SPATS2L: variants seen among roughly 807,000 people sequenced by gnomAD.
SPATS2L encodes the protein SPATS2-like protein.
In SPATS2L, 30 loss-of-function variants were observed where a neutral mutation model predicts 59.6. The observed-to-expected ratio is 0.50, with a 90% CI of 0.38 to 0.68. SPATS2L has a LOEUF of 0.68. Ranked by LOEUF, SPATS2L falls within the 30% of genes least tolerant of loss-of-function variation. The pLI is 0.00. For missense variants in SPATS2L, 615 were observed against 700.0 expected (o/e 0.88, Z 1.37); for synonymous variants, 252 against 263.5 (o/e 0.96, Z 0.42).
chr2:200,389,154 G>T, intron 2 of SPATS2L, 69 bp from the exon 3 acceptor site: 1 of 958,254 alleles, frequency 1.0e-6, no homozygotes, highest in South Asian at 1.5e-5. Context: ...TACTGTGTTG[G>T]AAGAGAGTGT....
chr2:200,401,065 C>T (rs533941337), intron 3 of SPATS2L, among the ~76,000 whole-genome samples: 1 of 152,338 alleles, frequency 6.6e-6, no homozygotes, highest in Non-Finnish European at 1.5e-5. Context: ...GATTCTGCTA[C>T]TTCTTCACCA....
intron 3 of SPATS2L, among the ~76,000 whole-genome samples, chr2:200,391,239 T>A (rs559107605): frequency 6.6e-6 from 1 of 152,216 alleles, no homozygotes; most frequent in Non-Finnish European, 1.5e-5. Context: ...GATATTTTCA[T>A]ATCCAATTAC....
At chr2:200,396,033 A>ATATAAATATATATATATAT (rs1172186726) in intron 3 of SPATS2L, among the ~76,000 whole-genome samples, 1 of 21,138 alleles carries the variant, frequency 4.7e-5, no homozygotes. Flanking sequence ...AAAAAAAAAA[A>ATATAAATATATATATATAT]ATATATATAT....
chr2:200,473,164 C>G, intron 12 of SPATS2L, 112 bp downstream of exon 12: 1 of 1,046,072 alleles, frequency 9.6e-7, no homozygotes, highest in Non-Finnish European at 1.4e-6. Context: ...CACTCAGGCT[C>G]CCGCCACCTG....
Position 200,309,102 on chromosome 2 carries a change from G to A in SPATS2L, c.-73+2180G>A, listed in dbSNP as rs1025772330. The A allele has an allele frequency of 3.2e-5, 23 of 717,792 alleles. No individual in the cohort carries two copies. The Admixed American group carries it at 4.6e-4, about 14-fold the overall frequency. The allele number at this position is 717,792 out of a possible 1,614,324, so 44.5% of individuals were successfully genotyped here. On this transcript the variant is annotated intron_variant, in intron 1 of 12. Coordinates refer to ENST00000409140, the MANE Select transcript of SPATS2L (RefSeq NM_001100423.2). ...ACCCGTTTTGCCATGTAAGTGGTAA[G>A]CTTTTACATCAGAAGTTAAGCTTTA...
At position 200,361,598 on chromosome 2, in the gene SPATS2L, G is replaced by A. The variant is rs528734485; in HGVS notation, c.-22-27625G>A. ...TTAAAATGGTCTTCTTTCCATTGTAGAAGGCTCAGTTCATTGCCATCCTTT... is the reference window on the plus strand; with the variant it reads ...TTAAAATGGTCTTCTTTCCATTGTAAAAGGCTCAGTTCATTGCCATCCTTT... On this transcript the variant is annotated intron_variant, in intron 2 of 12. Coordinates refer to ENST00000409140, the MANE Select transcript of SPATS2L (RefSeq NM_001100423.2). 1.1e-3 allele frequency among the ~76,000 whole-genome samples: 173 copies of A among 152,290 alleles called. 1 individual carries two copies. Among genetic ancestry groups the A allele is most frequent in the African/African-American group, 4.1e-3 (169 of 41,568 alleles).
chr2:200,454,200 G>A (rs181418209), intron 8 of SPATS2L, among the ~76,000 whole-genome samples: 5 of 152,318 alleles, frequency 3.3e-5, no homozygotes, highest in African/African-American at 1.2e-4. Context: ...AACTCTGGCT[G>A]TTGTTACAGA....
At chr2:200,423,200 T>A (rs79720940) in intron 6 of SPATS2L, among the ~76,000 whole-genome samples, 5,105 of 152,298 alleles carry the variant, frequency 0.034, 267 homozygotes, top group African/African-American at 0.11. Flanking sequence ...GACCATGGGT[T>A]ACTGAAACTG....
At chr2:200,344,446 C>G (rs898839283) in intron 2 of SPATS2L, among the ~76,000 whole-genome samples, 3 of 152,002 alleles carry the variant, frequency 2.0e-5, no homozygotes, top group Non-Finnish European at 4.4e-5. Context: ...GTATATGTAC[C>G]ACATTTTCTT....
chr2:200,320,566 G>A (rs1165845410), intron 1 of SPATS2L, among the ~76,000 whole-genome samples: 2 of 152,200 alleles, frequency 1.3e-5, no homozygotes, highest in East Asian at 3.8e-4. Context: ...TCAGGCTGAG[G>A]CATGTCCTAA....
At chr2:200,307,745 C>T (rs944580344) in intron 1 of SPATS2L, among the ~76,000 whole-genome samples, 1 of 152,220 alleles carries the variant, frequency 6.6e-6, no homozygotes, top group Non-Finnish European at 1.5e-5. Flanking sequence ...CGCGTCTTCG[C>T]GAGTGGAGGT....
intron 2 of SPATS2L, among the ~76,000 whole-genome samples, chr2:200,352,313 TTATATATA>T (rs869105613): frequency 3.5e-4 from 3 of 8,646 alleles, no homozygotes; most frequent in African/African-American, 4.7e-4. Context: ...CCAGCAGTTT[TTATATATA>T]TATATATATA....
Position 200,419,346 on chromosome 2 carries a change from C to G in SPATS2L, c.295C>G (p.Gln99Glu). Residue 99 changes from glutamine (Q) to glutamate (E), a missense_variant, in exon 6 of 13, where the codon CAG becomes GAG. Around this residue, in one of 3 missense-constraint regions of SPATS2L, gnomAD observed 227 missense variants for 257.4 expected, o/e 0.88. Coordinates refer to ENST00000409140, the MANE Select transcript of SPATS2L (RefSeq NM_001100423.2). ...GCCTGAGGCAGGGCCCCTGCAGCCG[C>G]AGCCACCACAGATTCAAAACGGCCC... is the stretch of plus-strand genomic sequence containing the variant. ...ERPEAGPLQP[Q>E]PPQIQNGPMN... 1 of 1,611,214 alleles carries G rather than the reference C, an allele frequency of 6.2e-7. No individual in the cohort carries two copies. The highest frequency in any genetic ancestry group is 1.1e-5 in the South Asian group (1 of 90,478).
At chr2:200,306,066 C>A, upstream of SPATS2L, 1 of 985,444 alleles carries the variant, frequency 1.0e-6, no homozygotes, top group African/African-American at 1.7e-5. Flanking sequence ...GTGTGCAGAC[C>A]CGCAGCGCAG....
intron 2 of SPATS2L, among the ~76,000 whole-genome samples, chr2:200,375,811 G>A (rs553223680): frequency 1.3e-5 from 2 of 152,206 alleles, no homozygotes; most frequent in East Asian, 3.9e-4. Context: ...ACTTTTAGTA[G>A]AGACAGGGTT....
intron 2 of SPATS2L, among the ~76,000 whole-genome samples, chr2:200,334,428 G>T (rs1206783695): frequency 2.0e-5 from 3 of 151,894 alleles, no homozygotes; most frequent in Admixed American, 6.6e-5. Flanking sequence ...CAGATGAGTA[G>T]GTTGCGAAAA....
Position 200,482,055 on chromosome 2 carries a change from T to A in SPATS2L, c.*4024T>A, listed in dbSNP as rs2087791327. The stretch of plus-strand genomic sequence containing the variant: ...CCAAAAAAAAAGGAAAAAAAGCAGT[T>A]CGCCTAATACATTGTTCCAGCATTT... On this transcript the variant is annotated 3_prime_UTR_variant, in exon 13 of 13. Coordinates refer to ENST00000409140, the MANE Select transcript of SPATS2L (RefSeq NM_001100423.2). 6.6e-6 allele frequency: 1 copy of A among 152,158 alleles called. No individual in the cohort carries two copies. Among genetic ancestry groups the A allele is most frequent in the South Asian group, 2.1e-4 (1 of 4,830 alleles). The allele number at this position is 152,158 out of a possible 1,614,324, so 9.4% of individuals were successfully genotyped here. A position where few individuals can be genotyped will look rare whatever the true frequency, so the allele number is the denominator to read the frequency against.
At chr2:200,307,088 C>T (rs905376705) in intron 1 of SPATS2L, among the ~76,000 whole-genome samples, 166 bp downstream of exon 1, 11 of 150,792 alleles carry the variant, frequency 7.3e-5, no homozygotes, top group Admixed American at 6.6e-5. Flanking sequence ...GGCCCGCGCT[C>T]GGCGCCGAGG....
At chr2:200,345,718 C>T (rs2080490420) in intron 2 of SPATS2L, among the ~76,000 whole-genome samples, 1 of 152,218 alleles carries the variant, frequency 6.6e-6, no homozygotes. Flanking sequence ...GTAGTACACT[C>T]AAGCTAACCT....
Sources: gnomAD v4.1 joint callset for allele counts (sites outside exome capture counted in the v4.1 genomes callset) on GRCh38, gnomAD v4.1.1 for gene constraint, gnomAD v4.1.1 regional missense constraint, MANE v1.5 for transcripts, NCBI Gene and HGNC (gene_info 2026-07-23, HGNC 2026-07-21) for gene names.